Variants in DIAPH3 observed in about 807,000 individuals in gnomAD.
The protein encoded by DIAPH3 is diaphanous related formin 3.
Under a neutral mutation model 144.3 loss-of-function variants are expected in DIAPH3, and 117 were observed. The ratio of observed to expected loss-of-function variants is 0.81; its 90% CI spans 0.70 to 0.95. The LOEUF (loss-of-function observed/expected upper bound fraction) is 0.95, where lower values mean the gene tolerates loss of function less well. DIAPH3 is among the 40% of genes least tolerant of loss of function. The pLI is 0.00. For synonymous variants in DIAPH3, 519 were observed against 488.9 expected, an observed-to-expected ratio of 1.06 and a Z score of -0.81; for missense variants, 1,421 against 1,412.7, an observed-to-expected ratio of 1.01 and a Z score of -0.09.
chr13:59,961,347 T>A (rs966316623), intron 17 of DIAPH3, among the ~76,000 whole-genome samples: 1 of 152,192 alleles, frequency 6.6e-6, no homozygotes, highest in Non-Finnish European at 1.5e-5. Flanking sequence ...TCCCCCATTT[T>A]ATAGAGGAAA....
chr13:59,983,882 T>A lies in DIAPH3; in HGVS notation c.1367A>T (p.Gln456Leu). The A allele has an allele frequency of 1.9e-6, 3 of 1,596,086 alleles. No individual in the cohort carries two copies. Among genetic ancestry groups the A allele is most frequent in the Non-Finnish European group, 2.6e-6 (3 of 1,165,030 alleles). The change falls in exon 13 of 28, where the codon CAA (glutamine) becomes CTA (leucine). Residue 456 changes from glutamine to leucine, a missense_variant. By Grantham distance (113) the Gln-to-Leu change is moderately radical. Transcript: ENST00000400324. ...LIRNDYFIRQ[Q>L]YFKLIDECVS... is the part of the protein sequence containing the mutation. ...ACACTCATCAATTAATTTGAAGTAT[T>A]GTTGCCTAAAACCAAAGAAAAGAGT...
At chr13:59,904,507 TAG>T (rs2046625195) in intron 20 of DIAPH3, among the ~76,000 whole-genome samples, 1 of 152,194 alleles carries the variant, frequency 6.6e-6, no homozygotes, top group Non-Finnish European at 1.5e-5. Flanking sequence ...TGAAGGAATT[TAG>T]AGTCAGTGAA....
chr13:59,984,448 A>C (rs2051251720), intron 12 of DIAPH3, among the ~76,000 whole-genome samples: 2 of 151,802 alleles, frequency 1.3e-5, no homozygotes. Flanking sequence ...CAAAAATCGA[A>C]GTTTAACTAA....
chr13:60,074,362 T>G (rs543627126), intron 4 of DIAPH3, among the ~76,000 whole-genome samples: 1 of 152,318 alleles, frequency 6.6e-6, no homozygotes, highest in South Asian at 2.1e-4. Flanking sequence ...TGGATTATTT[T>G]AGGCTAAAAT....
chr13:59,870,448 G>A (rs1463964397), intron 21 of DIAPH3, among the ~76,000 whole-genome samples: 1 of 151,862 alleles, frequency 6.6e-6, no homozygotes, highest in African/African-American at 2.4e-5. Context: ...TATTGTGTTA[G>A]CTATTCTGGG....
chr13:59,819,891 G>A (rs1017538698), intron 24 of DIAPH3, among the ~76,000 whole-genome samples: 27 of 151,838 alleles, frequency 1.8e-4, no homozygotes, highest in Non-Finnish European at 2.2e-4. Context: ...GTGTGACTAT[G>A]CCTCAGTTTC....
chr13:60,091,759 C>T (rs2057941537), intron 4 of DIAPH3, among the ~76,000 whole-genome samples: 1 of 151,970 alleles, frequency 6.6e-6, no homozygotes, highest in South Asian at 2.1e-4. Context: ...CTATTGCTAC[C>T]ACCACTGCTA....
intron 27 of DIAPH3, among the ~76,000 whole-genome samples, chr13:59,711,591 G>T (rs966739801): frequency 1.3e-5 from 2 of 152,050 alleles, no homozygotes; most frequent in African/African-American, 4.8e-5. Context: ...CTAATGATGA[G>T]CTAGAAGTAA....
intron 4 of DIAPH3, among the ~76,000 whole-genome samples, chr13:60,087,135 G>A (rs1218235944): frequency 6.6e-6 from 1 of 152,200 alleles, no homozygotes; most frequent in Non-Finnish European, 1.5e-5. Flanking sequence ...AGCTGTGCAT[G>A]TTCAGTGTAG....
At chr13:59,802,436 TATC>T in intron 25 of DIAPH3, among the ~76,000 whole-genome samples, 1 of 151,404 alleles carries the variant, frequency 6.6e-6, no homozygotes, top group Admixed American at 6.6e-5. Flanking sequence ...TTAATTTACT[TATC>T]AATTATTATT....
chr13:59,837,876 G>A (rs1011999188), intron 23 of DIAPH3: 4 of 151,726 alleles, frequency 2.6e-5, no homozygotes, highest in African/African-American at 7.3e-5. Context: ...AAACAAACAC[G>A]TTAGCCTGAA....
intron 4 of DIAPH3, among the ~76,000 whole-genome samples, chr13:60,077,340 G>C (rs1472913250): frequency 6.6e-6 from 1 of 151,848 alleles, no homozygotes; most frequent in Non-Finnish European, 1.5e-5. Context: ...GTATACTTTA[G>C]GAGAGATACA....
rs1566588541 is a variant in DIAPH3, at chr13:59,969,944, C to CT, written c.2073dup (p.Glu692ArgfsTer9). 2 of 1,581,882 alleles carry CT rather than the reference C, an allele frequency of 1.3e-6. No homozygotes were observed. Among genetic ancestry groups the CT allele is most frequent in the East Asian group, 4.5e-5 (2 of 44,166 alleles). Reference sequence around the variant, plus strand: ...TAAATAATCAAGATGTTAAACTTACCTTTTTGTTGGCAACAAAATGTATTC... The same window carrying CT: ...TAAATAATCAAGATGTTAAACTTACCTTTTTTGTTGGCAACAAAATGTATTC... On this transcript the variant is annotated frameshift_variant and splice_region_variant, in exon 17 of 28. Coordinates refer to ENST00000400324, the MANE Select transcript of DIAPH3 (RefSeq NM_001042517.2). LOFTEE classifies it high-confidence loss of function.
At chr13:60,065,849 G>T (rs2056942680) in intron 4 of DIAPH3, among the ~76,000 whole-genome samples, 1 of 152,074 alleles carries the variant, frequency 6.6e-6, no homozygotes, top group Non-Finnish European at 1.5e-5. Context: ...TTCTAATTTT[G>T]AATGGAAAAT....
At chr13:59,707,379 GT>G (rs1387482187) in intron 27 of DIAPH3, among the ~76,000 whole-genome samples, 4 of 152,080 alleles carry the variant, frequency 2.6e-5, no homozygotes, top group African/African-American at 9.7e-5. Flanking sequence ...TGGAAAACAG[GT>G]TTCTCAAGTT....
At position 59,879,323 on chromosome 13, in the gene DIAPH3, T is replaced by C. The variant is rs767692491; in HGVS notation, c.2513A>G (p.Lys838Arg). ...CATTAGCAATACAAGTTCCAGCAAC[T>C]TGCTAAAGCTTTTGCTCTTCTTTAT... ...EEIKKSKSFS[K>R]LLELVLLMGN... is the part of the protein sequence containing the mutation. The change falls in exon 21 of 28, where the codon AAG becomes AGG. Residue 838 changes from lysine (K) to arginine (R), a missense_variant. By Grantham distance (26) the Lys-to-Arg change is conservative. Coordinates refer to ENST00000400324, the MANE Select transcript of DIAPH3 (RefSeq NM_001042517.2). 6.8e-6 allele frequency: 11 copies of C among 1,613,770 alleles called. No homozygotes were observed. Among genetic ancestry groups the C allele is most frequent in the African/African-American group, 6.7e-5 (5 of 74,906 alleles).
At chr13:59,880,899 CTACTT>C (rs1161369260) in intron 20 of DIAPH3, among the ~76,000 whole-genome samples, 3 of 145,894 alleles carry the variant, frequency 2.1e-5, no homozygotes, top group Non-Finnish European at 3.0e-5. Flanking sequence ...AATAAGAAGT[CTACTT>C]TACAAGGCAC....
At chr13:60,009,593 G>A (rs1291620174) in intron 8 of DIAPH3, among the ~76,000 whole-genome samples, 1 of 152,190 alleles carries the variant, frequency 6.6e-6, no homozygotes, top group Non-Finnish European at 1.5e-5. Flanking sequence ...GAAGCTGTAT[G>A]CCTGGCTTTG....
At chr13:60,162,532 C>T (rs1436971825) in intron 1 of DIAPH3, among the ~76,000 whole-genome samples, 1 of 152,050 alleles carries the variant, frequency 6.6e-6, no homozygotes, top group East Asian at 1.9e-4. Flanking sequence ...ATTCCTATGA[C>T]CATTTTGATA....
Sources: gnomAD v4.1 joint callset for allele counts (sites outside exome capture counted in the v4.1 genomes callset) on GRCh38, gnomAD v4.1.1 for gene constraint, MANE v1.5 for transcripts, NCBI Gene and HGNC (gene_info 2026-07-23, HGNC 2026-07-21) for gene names.